GATD1: variants seen among roughly 807,000 people sequenced by gnomAD.
GATD1 encodes glutamine amidotransferase class 1 domain containing 1.
A neutral mutation model predicts 25.9 loss-of-function variants in GATD1; 23 were observed. That is an observed-to-expected ratio of 0.89 (90% CI 0.64 to 1.26). The LOEUF (loss-of-function observed/expected upper bound fraction) is 1.26. Ranked by LOEUF, GATD1 falls within the 50% of genes most tolerant of loss-of-function variation. The pLI is 0.00. For missense variants in GATD1, 347 were observed against 312.5 expected, an observed-to-expected ratio of 1.11 and a Z score of -0.83; for synonymous variants, 177 against 134.6, an observed-to-expected ratio of 1.31 and a Z score of -2.18.
rs1391925885 is a variant in GATD1 at position 770,183 on chromosome 11, C to T, written c.*714G>A. 2.3e-6 allele frequency: 3 copies of T among 1,281,004 alleles called. No homozygotes were observed. The highest frequency in any genetic ancestry group is 3.0e-6 in the Non-Finnish European group (3 of 1,011,788). The allele number at this position is 1,281,004 out of a possible 1,614,324, so 79.4% of individuals were successfully genotyped here. A position where few individuals can be genotyped will look rare whatever the true frequency, so the allele number is the denominator to read the frequency against. ...GACCACTGTCTGCTCTTGATAGCCG[C>T]TCTACCCGAGGCCACTGTGCAAGGC... On this transcript the variant is annotated 3_prime_UTR_variant, in exon 8 of 8. Coordinates refer to ENST00000319863, the MANE Select transcript of GATD1 (RefSeq NM_182612.4).
At chr11:772,604 C>T in intron 4 of GATD1, 83 bp from the exon 5 acceptor site, 1 of 1,318,324 alleles carries the variant, frequency 7.6e-7, no homozygotes, top group Non-Finnish European at 1.1e-6. Context: ...GCTTGTGGCT[C>T]CCCCAGGCTT....
At chr11:772,729 C>T in intron 4 of GATD1, 2 of 593,934 alleles carry the variant, frequency 3.4e-6, no homozygotes, top group East Asian at 2.8e-5. Flanking sequence ...GGAGCTGGTG[C>T]TTCAGGACTA....
At chr11:773,704 T>C in intron 3 of GATD1, 75 bp from the exon 4 acceptor site, 1 of 1,140,070 alleles carries the variant, frequency 8.8e-7, no homozygotes, top group South Asian at 1.4e-5. Context: ...CCCGAGTGCG[T>C]GGCCAGGACA....
At position 771,090 on chromosome 11, in the gene GATD1, C is replaced by T. The variant is rs140315829; in HGVS notation, c.559G>A (p.Ala187Thr). 3.1e-6 allele frequency: 5 copies of T among 1,602,656 alleles called. No homozygotes were observed. The highest frequency in any genetic ancestry group is 2.7e-5 in the African/African-American group (2 of 74,788). Residue 187 changes from alanine to threonine, a missense_variant, in exon 7 of 8, where the codon GCT (alanine) becomes ACT (threonine). By Grantham distance (58) the Ala-to-Thr change is moderately conservative (BLOSUM62 0). Transcript: ENST00000319863. ...TGGCGGTCCAGCACGACGTGGACAG[C>T]GTCAGGCTCGCTTGCTGGGGAGGAC... ...GACFSASEPD[A>T]VHVVLDRHLV...
Position 777,429 on chromosome 11 carries a change from A to T in GATD1, c.34T>A (p.Cys12Ser). ...ASERLPNRPACLLVASGAAEG... is the reference protein window; with the variant it reads ...ASERLPNRPASLLVASGAAEG... ...GCGGCGCCGCTGGCCACGAGCAGAC[A>T]GGCGGGCCTGTTAGGGAGCCGCTCG... Residue 12 changes from cysteine to serine, a missense_variant, in exon 1 of 8, where the codon TGT becomes AGT. By Grantham distance (112) the Cys-to-Ser change is moderately radical. Coordinates refer to ENST00000319863, the MANE Select transcript of GATD1 (RefSeq NM_182612.4). The T allele has an allele frequency of 7.8e-7, 1 of 1,280,002 alleles. No homozygotes were observed. The highest frequency in any genetic ancestry group is 9.9e-7 in the Non-Finnish European group (1 of 1,012,700). The allele number at this position is 1,280,002 out of a possible 1,614,324, so 79.3% of individuals were successfully genotyped here.
At position 767,508 on chromosome 11, in the gene GATD1, T is replaced by C; in HGVS notation, c.*3389A>G. ...TGTGGGGCCCCGCGTCAGAACCCACTTCACATCCCAAAGCCCCACCTGCTT... is the reference window on the plus strand; with the variant it reads ...TGTGGGGCCCCGCGTCAGAACCCACCTCACATCCCAAAGCCCCACCTGCTT... On this transcript the variant is annotated 3_prime_UTR_variant, in exon 8 of 8. Coordinates refer to ENST00000319863, the MANE Select transcript of GATD1 (RefSeq NM_182612.4). 1 of 1,428,446 alleles carries C rather than the reference T, an allele frequency of 7.0e-7. No homozygotes were observed. The highest frequency in any genetic ancestry group is 9.1e-7 in the Non-Finnish European group (1 of 1,097,052). The allele number at this position is 1,428,446 out of a possible 1,614,324, so 88.5% of individuals were successfully genotyped here.
chr11:773,725 A>G, intron 3 of GATD1, 96 bp from the exon 4 acceptor site: 1 of 901,370 alleles, frequency 1.1e-6, no homozygotes, highest in Non-Finnish European at 1.7e-6. Flanking sequence ...GACCCTCCAC[A>G]GGGACCAGCC....
Position 775,052 on chromosome 11 carries a change from G to A in GATD1, c.141+14C>T, listed in dbSNP as rs1300551485. 1.9e-6 allele frequency: 3 copies of A among 1,595,262 alleles called. No individual in the cohort carries two copies. The highest frequency in any genetic ancestry group is 2.3e-5 in the South Asian group (2 of 87,568). On this transcript the variant is annotated intron_variant, in intron 2 of 7. Transcript: ENST00000319863. ...ACCCCAAGTGTCCAGTGGGGAAGGAGAGGCTGGACTTACCCCAGGGGTGGC... is the reference window on the plus strand; with the variant it reads ...ACCCCAAGTGTCCAGTGGGGAAGGAAAGGCTGGACTTACCCCAGGGGTGGC...
chr11:773,443 C>T (rs1478576613), intron 4 of GATD1, 79 bp downstream of exon 4: 1 of 1,213,898 alleles, frequency 8.2e-7, no homozygotes, highest in Non-Finnish European at 1.2e-6. Context: ...GTCTTCCCAC[C>T]TCTCTTCTGC....
intron 2 of GATD1, 25 bp downstream of exon 2, chr11:775,041 G>A (rs1438277453): frequency 6.3e-7 from 1 of 1,581,182 alleles, no homozygotes; most frequent in Non-Finnish European, 8.6e-7. Flanking sequence ...CAAGTGTCCA[G>A]TGGGGAAGGA....
chr11:771,797 TTG>T (rs1391337890), intron 5 of GATD1, among the ~76,000 whole-genome samples: 1 of 152,070 alleles, frequency 6.6e-6, no homozygotes, highest in Non-Finnish European at 1.5e-5. Flanking sequence ...TCACGCCCAC[TTG>T]TAACCTGAGA....
Position 769,482 on chromosome 11 carries a change from G to C in GATD1, c.*1415C>G, listed in dbSNP as rs773261215. The C allele has an allele frequency of 1.4e-4, 24 of 165,518 alleles. No individual in the cohort carries two copies. Among genetic ancestry groups the C allele is most frequent in the Admixed American group, 7.2e-4 (11 of 15,250 alleles). 10.3% of individuals were successfully genotyped at this position (165,518 alleles called of 1,614,324 possible). On this transcript the variant is annotated 3_prime_UTR_variant, in exon 8 of 8. Coordinates refer to ENST00000319863, the MANE Select transcript of GATD1 (RefSeq NM_182612.4). ...AATACAGGCGCCTGACACCACACCCGGCTCATTTTTGTATTTTAGTTTCAC... is the reference window on the plus strand; with the variant it reads ...AATACAGGCGCCTGACACCACACCCCGCTCATTTTTGTATTTTAGTTTCAC...
rs1383797826 is a variant in GATD1, at chr11:767,692, T to C, written c.*3205A>G. ...AAGGGGATGGTATTAGGTGGGGCATTTGGGAGGTCATCCGGTCACAGGGCA... is the reference window on the plus strand; with the variant it reads ...AAGGGGATGGTATTAGGTGGGGCATCTGGGAGGTCATCCGGTCACAGGGCA... On this transcript the variant is annotated 3_prime_UTR_variant, in exon 8 of 8. Transcript: ENST00000319863. The C allele has an allele frequency of 2.8e-6, 3 of 1,085,396 alleles. No individual in the cohort carries two copies. Among genetic ancestry groups the C allele is most frequent in the Non-Finnish European group, 1.1e-6 (1 of 875,466 alleles). The allele number at this position is 1,085,396 out of a possible 1,614,324, so 67.2% of individuals were successfully genotyped here.
Position 771,085 on chromosome 11 carries a change from G to A in GATD1, c.564C>T (p.Val188=), listed in dbSNP as rs776904319. The A allele has an allele frequency of 1.1e-5, 18 of 1,605,948 alleles. No individual in the cohort carries two copies. The Middle Eastern group carries it at 5.0e-4, about 44-fold the overall frequency. ...ACFSASEPDA[V]HVVLDRHLVT... ...CCAGGTGGCGGTCCAGCACGACGTG[G>A]ACAGCGTCAGGCTCGCTTGCTGGGG... The change falls in exon 7 of 8, where the codon GTC becomes GTT. Residue 188 remains valine (V), a synonymous_variant. Transcript: ENST00000319863.
intron 2 of GATD1, among the ~76,000 whole-genome samples, chr11:774,436 G>A (rs1863763465): frequency 6.6e-6 from 1 of 152,246 alleles, no homozygotes; most frequent in Non-Finnish European, 1.5e-5. Flanking sequence ...CACGATCAGA[G>A]GGTGGAGAAT....
Position 770,749 on chromosome 11 carries a change from G to A in GATD1, c.*148C>T, listed in dbSNP as rs1863354684. 2.0e-6 allele frequency: 3 copies of A among 1,500,134 alleles called. No individual in the cohort carries two copies. In the South Asian group the frequency reaches 4.0e-5, roughly 20 times the overall value. The allele number at this position is 1,500,134 out of a possible 1,614,324, so 92.9% of individuals were successfully genotyped here. On this transcript the variant is annotated 3_prime_UTR_variant, in exon 8 of 8. Coordinates refer to ENST00000319863, the MANE Select transcript of GATD1 (RefSeq NM_182612.4). The stretch of plus-strand genomic sequence containing the variant: ...CGACACCCCCTCAGAGCTGATTCCA[G>A]GAGGCCTCCAACAATCCCATCAGGG...
rs749002055 is a variant in GATD1, at chr11:773,581, G to C, written c.296C>G (p.Thr99Ser). The change falls in exon 4 of 8, where the codon ACC becomes AGC. Residue 99 changes from threonine (T) to serine (S), a missense_variant. Transcript: ENST00000319863. ...LLIPSCPGAL[T>S]DLASSGSLAR... Reference sequence around the variant, plus strand: ...CAGGGAGCCACTGCTGGCCAGGTCGGTCAGGGCCCCAGGACAGCTGGGGAT... The same window carrying C: ...CAGGGAGCCACTGCTGGCCAGGTCGCTCAGGGCCCCAGGACAGCTGGGGAT... 1 of 1,610,482 alleles carries C rather than the reference G, an allele frequency of 6.2e-7. No individual in the cohort carries two copies. The highest frequency in any genetic ancestry group is 1.7e-5 in the Admixed American group (1 of 59,102).
chr11:772,565 G>T, intron 4 of GATD1, 44 bp from the exon 5 acceptor site: 1 of 1,545,198 alleles, frequency 6.5e-7, no homozygotes. Flanking sequence ...CCCGCCACCC[G>T]CACCCTGAAG....
chr11:777,482 G>A lies in GATD1; in HGVS notation c.-20C>T. 2 of 1,205,474 alleles carry A rather than the reference G, an allele frequency of 1.7e-6. No individual in the cohort carries two copies. The highest frequency in any genetic ancestry group is 1.0e-6 in the Non-Finnish European group (1 of 969,664). The allele number at this position is 1,205,474 out of a possible 1,614,324, so 74.7% of individuals were successfully genotyped here. ...CGCCATGGCTCGGGCTCGGCGCTGG[G>A]TCTGCGCGTGCGCGGCGTCTGGGCG... On this transcript the variant is annotated 5_prime_UTR_variant, in exon 1 of 8. Coordinates refer to ENST00000319863, the MANE Select transcript of GATD1 (RefSeq NM_182612.4).
Sources: gnomAD v4.1 joint callset for allele counts (sites outside exome capture counted in the v4.1 genomes callset) on GRCh38, gnomAD v4.1.1 for gene constraint, MANE v1.5 for transcripts, NCBI Gene and HGNC (gene_info 2026-07-23, HGNC 2026-07-21) for gene names.